Variants in GEMIN5 observed in about 807,000 individuals in gnomAD.
GEMIN5 encodes the protein gem nuclear organelle associated protein 5.
A neutral mutation model predicts 176.9 loss-of-function variants in GEMIN5; 124 were observed. The ratio of observed to expected loss-of-function variants is 0.70; its 90% CI spans 0.61 to 0.81. The LOEUF (loss-of-function observed/expected upper bound fraction) is 0.81, where lower values mean the gene tolerates loss of function less well. Among genes scored for constraint, GEMIN5 ranks in the 40% least tolerant of loss-of-function variants. The pLI is 0.00. For synonymous variants in GEMIN5, 673 were observed against 665.2 expected, an observed-to-expected ratio of 1.01 and a Z score of -0.18; for missense variants, 1,843 against 1,814.6, an observed-to-expected ratio of 1.02 and a Z score of -0.28.
rs893200911 is a variant in GEMIN5 at position 154,901,590 on chromosome 5, A to G, written c.2867-104T>C. 6.4e-6 allele frequency: 6 copies of G among 933,710 alleles called. No individual in the cohort carries two copies. In the African/African-American group the frequency reaches 6.6e-5, roughly 10 times the overall value. The allele number at this position is 933,710 out of a possible 1,614,324, so 57.8% of individuals were successfully genotyped here. A position where few individuals can be genotyped will look rare whatever the true frequency, so the allele number is the denominator to read the frequency against. ...AAGCCTTGTTTTCGTCAATGCATTC[A>G]GCAGAACATTTAGATACCAATTCAG... On this transcript the variant is annotated intron_variant, in intron 20 of 27. Coordinates refer to ENST00000285873, the MANE Select transcript of GEMIN5 (RefSeq NM_015465.5).
At chr5:154,932,447 G>A (rs1318700291) in intron 3 of GEMIN5, among the ~76,000 whole-genome samples, 197 bp from the exon 4 acceptor site, 1 of 152,122 alleles carries the variant, frequency 6.6e-6, no homozygotes, top group Non-Finnish European at 1.5e-5. Flanking sequence ...TCCTGGTTTT[G>A]TTAAAACCCT....
intron 26 of GEMIN5, among the ~76,000 whole-genome samples, chr5:154,889,851 T>C (rs538900471): frequency 9.3e-4 from 141 of 152,262 alleles, no homozygotes; most frequent in Non-Finnish European, 1.0e-3. Flanking sequence ...ATGGCACATT[T>C]TGCTTATCCA....
intron 26 of GEMIN5, among the ~76,000 whole-genome samples, chr5:154,890,867 G>A (rs998859202): frequency 6.6e-6 from 1 of 152,062 alleles, no homozygotes; most frequent in African/African-American, 2.4e-5. Flanking sequence ...AGGTTCAAAC[G>A]ATTCTCTGGC....
At chr5:154,902,761 G>C (rs1561713800) in intron 19 of GEMIN5, 85 bp from the exon 20 acceptor site, 3 of 1,361,732 alleles carry the variant, frequency 2.2e-6, no homozygotes, top group African/African-American at 2.9e-5. Flanking sequence ...AGATAGAAGA[G>C]AAAGTGAGCT....
Position 154,928,519 on chromosome 5 carries a change from A to C in GEMIN5, c.914+8T>G, listed in dbSNP as rs763524270. 9.5e-5 allele frequency: 153 copies of C among 1,613,384 alleles called. No individual in the cohort carries two copies. The highest frequency in any genetic ancestry group is 4.5e-5 in the Non-Finnish European group (53 of 1,179,790). ...ATATCTGAGAAAGCATGACCAAAAA[A>C]GACTTACCCAAAACAGCTAGATACC... On this transcript the variant is annotated splice_region_variant and intron_variant, in intron 6 of 27. Transcript: ENST00000285873.
intron 18 of GEMIN5, among the ~76,000 whole-genome samples, chr5:154,904,192 G>T (rs1763523979): frequency 6.6e-6 from 1 of 152,036 alleles, no homozygotes; most frequent in South Asian, 2.1e-4. Flanking sequence ...AGAGTTGAAG[G>T]AGTTTATTCA....
In GEMIN5 at chr5:154,911,749, T is replaced by G; in HGVS notation, c.2145A>C (p.Gln715His). The G allele has an allele frequency of 6.2e-7, 1 of 1,614,010 alleles. No homozygotes were observed. The highest frequency in any genetic ancestry group is 8.5e-7 in the Non-Finnish European group (1 of 1,179,878). ...GACCTTGAGGAGGCCGGGAATGATCTTGCATGGAAGTGAGCCACTTGTGCA... is the reference window on the plus strand; with the variant it reads ...GACCTTGAGGAGGCCGGGAATGATCGTGCATGGAAGTGAGCCACTTGTGCA... ...FCVHKWLTSM[Q>H]DHSRPPQGKK... The change falls in exon 15 of 28, where the codon CAA (glutamine) becomes CAC (histidine). Residue 715 changes from glutamine to histidine, a missense_variant. Physicochemically the swap from Gln to His is conservative, Grantham distance 24 (BLOSUM62 0). Transcript: ENST00000285873.
At chr5:154,915,680 G>A (rs1763795651) in intron 13 of GEMIN5, among the ~76,000 whole-genome samples, 1 of 152,112 alleles carries the variant, frequency 6.6e-6, no homozygotes, top group South Asian at 2.1e-4. Flanking sequence ...GGGAAAATGA[G>A]GATAACGTTA....
chr5:154,927,757 C>T (rs368700438), intron 6 of GEMIN5, among the ~76,000 whole-genome samples: 25 of 152,240 alleles, frequency 1.6e-4, no homozygotes, highest in African/African-American at 6.0e-4. Flanking sequence ...TCTAGGAGGC[C>T]AAGGCAGGAG....
chr5:154,925,921 T>C lies in GEMIN5; in HGVS notation c.1234A>G (p.Ile412Val). Residue 412 changes from isoleucine to valine, a missense_variant, in exon 8 of 28, where the codon ATA becomes GTA. Coordinates refer to ENST00000285873, the MANE Select transcript of GEMIN5 (RefSeq NM_015465.5). ...TTTTTCACATCATAGTTGTTCTTTATGGAGAGTGTATTCCATACACGGATC... is the reference window on the plus strand; with the variant it reads ...TTTTTCACATCATAGTTGTTCTTTACGGAGAGTGTATTCCATACACGGATC... ...GMIRVWNTLS[I>V]KNNYDVKNFW... 3 of 1,613,958 alleles carry C rather than the reference T, an allele frequency of 1.9e-6. No homozygotes were observed. Among genetic ancestry groups the C allele is most frequent in the Non-Finnish European group, 2.5e-6 (3 of 1,179,826 alleles).
At chr5:154,908,171 C>CTTTTTTTTTTTTT (rs1561716794) in intron 15 of GEMIN5, among the ~76,000 whole-genome samples, 1 of 88,708 alleles carries the variant, frequency 1.1e-5, no homozygotes. Flanking sequence ...ACCCAGATGT[C>CTTTTTTTTTTTTT]CTTTTTTTTT....
chr5:154,927,262 A>G, intron 7 of GEMIN5, 123 bp downstream of exon 7: 1 of 597,746 alleles, frequency 1.7e-6, no homozygotes. Flanking sequence ...TGTAGCAGTA[A>G]CTCTGAAATT....
intron 20 of GEMIN5, among the ~76,000 whole-genome samples, 160 bp downstream of exon 20, chr5:154,902,379 G>A (rs185338939): frequency 1.4e-3 from 208 of 152,122 alleles, no homozygotes; most frequent in African/African-American, 4.9e-3. Flanking sequence ...TTTTCAAAGG[G>A]GTTGGGTTGG....
chr5:154,928,568 C>A lies in GEMIN5; in HGVS notation c.873G>T (p.Trp291Cys). The A allele has an allele frequency of 6.2e-7, 1 of 1,614,030 alleles. No individual in the cohort carries two copies. Among genetic ancestry groups the A allele is most frequent in the Non-Finnish European group, 8.5e-7 (1 of 1,179,898 alleles). The change falls in exon 6 of 28, where the codon TGG becomes TGT. Residue 291 changes from tryptophan (W) to cysteine (C), a missense_variant. Trp to Cys is a radical substitution (Grantham distance 215). Transcript: ENST00000285873. The stretch of plus-strand genomic sequence containing the variant: ...CCAGCTGTGTTGGTTGATTGCTGGG[C>A]CAATGGAGTGTCAACCAAAGGCGCT... ...VKERLWLTLH[W>C]PSNQPTQLVS...
chr5:154,924,653 C>T (rs1763990982), intron 8 of GEMIN5, 99 bp from the exon 9 acceptor site: 1 of 759,196 alleles, frequency 1.3e-6, no homozygotes, highest in African/African-American at 1.8e-5. Context: ...GGAAAACTGT[C>T]TTGCTCTGAT....
intron 11 of GEMIN5, among the ~76,000 whole-genome samples, chr5:154,918,321 G>C (rs560628349): frequency 6.6e-5 from 10 of 152,166 alleles, no homozygotes; most frequent in Non-Finnish European, 1.0e-4. Flanking sequence ...TGGGGACCAT[G>C]AGGCCTTAAA....
intron 6 of GEMIN5, 115 bp from the exon 7 acceptor site, chr5:154,927,665 GA>G (rs1253898012): frequency 8.3e-6 from 6 of 725,584 alleles, no homozygotes; most frequent in Admixed American, 2.6e-5. Context: ...TTTAAGGAGA[GA>G]AAAATTGCAT....
chr5:154,892,785 T>C, intron 24 of GEMIN5: 1 of 469,564 alleles, frequency 2.1e-6, no homozygotes, highest in Non-Finnish European at 3.8e-6. Flanking sequence ...AGAAAACACC[T>C]TTACATTTGC....
Position 154,892,990 on chromosome 5 carries a change from G to A in GEMIN5, c.3598-441C>T, listed in dbSNP as rs146600005. Among the ~76,000 whole-genome samples, 6 of 152,128 alleles carry A rather than the reference G, an allele frequency of 3.9e-5. No individual in the cohort carries two copies. The East Asian group carries it at 5.8e-4, about 15-fold the overall frequency. On this transcript the variant is annotated intron_variant, in intron 24 of 27. Coordinates refer to ENST00000285873, the MANE Select transcript of GEMIN5 (RefSeq NM_015465.5). The stretch of plus-strand genomic sequence containing the variant: ...CGCGTGCCTGTAGTCCCAGCTACTC[G>A]GGAGGCTGAGACAGAAGAATTGCTT...
Sources: allele counts gnomAD v4.1 joint callset (sites outside exome capture counted in the v4.1 genomes callset), GRCh38; gene constraint gnomAD v4.1.1; transcripts MANE v1.5; gene names NCBI Gene and HGNC (gene_info 2026-07-23, HGNC 2026-07-21).